Variants in ZBBX observed in about 807,000 individuals in gnomAD.
ZBBX encodes zinc finger B-box domain containing, also known as zinc finger B-box domain-containing protein 1.
In ZBBX, 101 loss-of-function variants were observed where a neutral mutation model predicts 108.5. The ratio of observed to expected loss-of-function variants is 0.93; its 90% CI spans 0.79 to 1.10. The LOEUF is 1.10. ZBBX is among the 50% of genes least tolerant of loss of function. ZBBX has a pLI of 0.00. For missense variants in ZBBX, 1,009 were observed against 941.4 expected (o/e 1.07, Z -0.94); for synonymous variants, 356 against 323.4 (o/e 1.10, Z -1.08).
chr3:167,279,928 C>T (rs568943996), intron 20 of ZBBX, among the ~76,000 whole-genome samples: 140 of 151,994 alleles, frequency 9.2e-4, no homozygotes, highest in Non-Finnish European at 1.7e-3. Context: ...GAACAGAGCC[C>T]TCAGAAATAA....
In ZBBX at chr3:167,322,105, T is replaced by C. The variant is rs908499272; in HGVS notation, c.983+12A>G. 9 of 1,230,548 alleles carry C rather than the reference T, an allele frequency of 7.3e-6. No homozygotes were observed. Among genetic ancestry groups the C allele is most frequent in the African/African-American group, 4.7e-5 (3 of 64,128 alleles). The allele number at this position is 1,230,548 out of a possible 1,614,324, so 76.2% of individuals were successfully genotyped here. ...TCATATTTCCTAATAGTATTATAAT[T>C]TCAGAAAATACCTCCTGTGTTTTTT... On this transcript the variant is annotated intron_variant, in intron 12 of 21. Coordinates refer to ENST00000675490, the MANE Select transcript of ZBBX (RefSeq NM_001199201.2).
chr3:167,338,825 C>A (rs1288532878), intron 9 of ZBBX, among the ~76,000 whole-genome samples: 1 of 151,998 alleles, frequency 6.6e-6, no homozygotes, highest in African/African-American at 2.4e-5. Context: ...TGTGTTATAG[C>A]AGAACTCAAG....
At chr3:167,255,316 A>G (rs1430564468) in intron 20 of ZBBX, among the ~76,000 whole-genome samples, 4 of 152,154 alleles carry the variant, frequency 2.6e-5, no homozygotes, top group African/African-American at 7.2e-5. Context: ...ATAAGACAAA[A>G]AACAGACATT....
intron 5 of ZBBX, among the ~76,000 whole-genome samples, chr3:167,366,574 T>C (rs1159881273): frequency 6.6e-6 from 1 of 151,870 alleles, no homozygotes; most frequent in South Asian, 2.1e-4. Context: ...AGACAAAAAG[T>C]TGCCCAACAT....
intron 10 of ZBBX, among the ~76,000 whole-genome samples, chr3:167,330,689 G>T (rs566988467): frequency 1.6e-4 from 24 of 151,660 alleles, no homozygotes; most frequent in African/African-American, 5.6e-4. Flanking sequence ...CATGGGAGGA[G>T]GTTGCAGTGA....
the ZBBX span, among the ~76,000 whole-genome samples, chr3:167,181,854 C>T: frequency 6.6e-6 from 1 of 152,176 alleles, no homozygotes; most frequent in Admixed American, 6.5e-5. Context: ...TGGCAAGGGT[C>T]TATAGACTCC....
At chr3:167,279,889 C>T (rs1411432097) in intron 20 of ZBBX, among the ~76,000 whole-genome samples, 7 of 151,954 alleles carry the variant, frequency 4.6e-5, no homozygotes, top group Non-Finnish European at 1.0e-4. Context: ...GGTACTGGTA[C>T]CAAAACAGAG....
chr3:167,183,728 C>G, the ZBBX span, among the ~76,000 whole-genome samples: 707 of 152,330 alleles, frequency 4.6e-3, 3 homozygotes, highest in African/African-American at 0.017. Flanking sequence ...TCAGGAACAC[C>G]TTAAGCAGTT....
At chr3:167,301,316 G>T (rs1732631375) in intron 17 of ZBBX, among the ~76,000 whole-genome samples, 1 of 152,148 alleles carries the variant, frequency 6.6e-6, no homozygotes, top group Admixed American at 6.5e-5. Context: ...GAATTCAATG[G>T]GATGCAAATC....
chr3:167,387,457 C>T (rs951144747), intron 1 of ZBBX, among the ~76,000 whole-genome samples: 1 of 151,956 alleles, frequency 6.6e-6, no homozygotes, highest in African/African-American at 2.4e-5. Flanking sequence ...CAATGATGTT[C>T]AATGTTGGCC....
At chr3:167,280,009 A>G (rs1054482453) in intron 20 of ZBBX, among the ~76,000 whole-genome samples, 2 of 151,968 alleles carry the variant, frequency 1.3e-5, no homozygotes, top group African/African-American at 4.8e-5. Flanking sequence ...AGGATTCCCT[A>G]TTTAATAAAT....
intron 20 of ZBBX, among the ~76,000 whole-genome samples, chr3:167,273,626 C>G (rs1158846622): frequency 6.6e-6 from 1 of 152,186 alleles, no homozygotes; most frequent in East Asian, 2.0e-4. Flanking sequence ...CCTTAGTCAT[C>G]CTCAAGCAGA....
the ZBBX span, among the ~76,000 whole-genome samples, chr3:167,203,583 T>A: frequency 6.6e-6 from 1 of 152,124 alleles, no homozygotes; most frequent in African/African-American, 2.4e-5. Flanking sequence ...TTCTTAATTT[T>A]AAGACAATGT....
At chr3:167,214,174 T>C in the ZBBX span, among the ~76,000 whole-genome samples, 2 of 152,068 alleles carry the variant, frequency 1.3e-5, no homozygotes, top group Non-Finnish European at 2.9e-5. Flanking sequence ...ATATTAACTT[T>C]GAATGTAAAT....
intron 4 of ZBBX, among the ~76,000 whole-genome samples, chr3:167,370,540 TAGA>T (rs1746006096): frequency 6.6e-6 from 1 of 152,196 alleles, no homozygotes; most frequent in Non-Finnish European, 1.5e-5. Flanking sequence ...CTCATTTGCT[TAGA>T]AGACTTCTGA....
the ZBBX span, among the ~76,000 whole-genome samples, chr3:167,208,718 T>G: frequency 6.6e-6 from 1 of 152,186 alleles, no homozygotes; most frequent in African/African-American, 2.4e-5. Flanking sequence ...TGGCTTCATA[T>G]GTGACCCAGT....
At chr3:167,290,787 T>A (rs1330211335) in intron 18 of ZBBX, among the ~76,000 whole-genome samples, 2 of 152,098 alleles carry the variant, frequency 1.3e-5, no homozygotes, top group East Asian at 1.9e-4. Flanking sequence ...TCTAACCCAA[T>A]GCAAGGAAGC....
intron 20 of ZBBX, among the ~76,000 whole-genome samples, chr3:167,243,898 T>C (rs566426018): frequency 1.3e-5 from 2 of 152,146 alleles, no homozygotes; most frequent in African/African-American, 4.8e-5. Flanking sequence ...TAAATTTGTT[T>C]AGCCCCTTGA....
chr3:167,264,051 G>T (rs1272072542), intron 20 of ZBBX, among the ~76,000 whole-genome samples: 3 of 152,070 alleles, frequency 2.0e-5, no homozygotes, highest in Non-Finnish European at 4.4e-5. Context: ...GGTTTCCATT[G>T]TCATAGAATA....
Sources: gnomAD v4.1 joint callset for allele counts (sites outside exome capture counted in the v4.1 genomes callset) on GRCh38, gnomAD v4.1.1 for gene constraint, MANE v1.5 for transcripts, NCBI Gene and HGNC (gene_info 2026-07-23, HGNC 2026-07-21) for gene names.